The following TEAD1 variants were observed in gnomAD, a reference collection of about 807,000 sequenced individuals.
TEAD1 encodes the protein transcriptional enhancer factor TEF-1.
Under a neutral mutation model 54.9 loss-of-function variants are expected in TEAD1, and 9 were observed. The ratio of observed to expected loss-of-function variants is 0.16; its 90% CI spans 0.10 to 0.29. TEAD1 has a LOEUF of 0.29. Ranked by LOEUF, TEAD1 falls within the 10% of genes least tolerant of loss-of-function variation. The pLI, the probability that TEAD1 is intolerant of heterozygous loss-of-function variation, is 1.00. For synonymous variants in TEAD1, 200 were observed against 187.8 expected (o/e 1.07, Z -0.53); for missense variants, 387 against 535.9 (o/e 0.72, Z 2.74).
intron 2 of TEAD1, among the ~76,000 whole-genome samples, chr11:12,743,804 A>C (rs1469636162): frequency 6.6e-6 from 1 of 152,234 alleles, no homozygotes; most frequent in Admixed American, 6.5e-5. Flanking sequence ...CCAGAAGGGC[A>C]TTGGCACAGT....
chr11:12,795,264 C>G (rs928508999), intron 3 of TEAD1, among the ~76,000 whole-genome samples: 2 of 152,132 alleles, frequency 1.3e-5, no homozygotes, highest in Non-Finnish European at 2.9e-5. Context: ...GTTGTCGTTG[C>G]ATTATCTTCT....
rs76376085 is a variant in TEAD1 at position 12,690,945 on chromosome 11, A to G, written c.-55+15384A>G. ...TAGTTTTTTAGTTTTTTGTAGAGAC[A>G]GGGTTTCATCACTCAGGCTGGTCTG... is the stretch of plus-strand genomic sequence containing the variant. On this transcript the variant is annotated intron_variant, in intron 2 of 12. Transcript: ENST00000527636. Among the ~76,000 whole-genome samples the G allele has an allele frequency of 6.2e-3, 951 of 152,224 alleles. 9 individuals are homozygous for G. Among genetic ancestry groups the G allele is most frequent in the African/African-American group, 0.02 (850 of 41,550 alleles).
At chr11:12,879,129 C>G (rs1947914627) in intron 5 of TEAD1, among the ~76,000 whole-genome samples, 3 of 152,194 alleles carry the variant, frequency 2.0e-5, no homozygotes, top group Admixed American at 2.0e-4. Flanking sequence ...CAGCATGCTG[C>G]TTGGCCCTGT....
chr11:12,797,219 T>A (rs1945950639), intron 3 of TEAD1, among the ~76,000 whole-genome samples: 1 of 152,248 alleles, frequency 6.6e-6, no homozygotes, highest in Non-Finnish European at 1.5e-5. Context: ...CAACATAGAC[T>A]TGAAGAAGGA....
intron 3 of TEAD1, among the ~76,000 whole-genome samples, chr11:12,774,351 G>C (rs1564935123): frequency 6.6e-6 from 1 of 152,190 alleles, no homozygotes; most frequent in Non-Finnish European, 1.5e-5. Flanking sequence ...ACTTCACAGT[G>C]GTAAAGTGTG....
chr11:12,799,232 C>G (rs1397153200), intron 3 of TEAD1, among the ~76,000 whole-genome samples: 1 of 152,214 alleles, frequency 6.6e-6, no homozygotes, highest in Admixed American at 6.5e-5. Flanking sequence ...ATTTAAATTT[C>G]ATAACCACCC....
At chr11:12,852,511 G>T (rs772928731) in intron 3 of TEAD1, among the ~76,000 whole-genome samples, 2 of 150,190 alleles carry the variant, frequency 1.3e-5, no homozygotes, top group African/African-American at 2.5e-5. Flanking sequence ...GCAGCGGCGC[G>T]ATCTTGGCTC....
chr11:12,794,405 T>C (rs1945870285), intron 3 of TEAD1, among the ~76,000 whole-genome samples: 1 of 152,202 alleles, frequency 6.6e-6, no homozygotes, highest in Admixed American at 6.5e-5. Flanking sequence ...GAGAATAAAC[T>C]TTGTCTGTGT....
chr11:12,782,201 C>T (rs2133949729), intron 3 of TEAD1, among the ~76,000 whole-genome samples: 1 of 152,080 alleles, frequency 6.6e-6, no homozygotes, highest in East Asian at 1.9e-4. Context: ...GTGGAAACAA[C>T]CCAAATGTTT....
At chr11:12,683,964 C>CTA (rs1473103936) in intron 2 of TEAD1, among the ~76,000 whole-genome samples, 1 of 152,202 alleles carries the variant, frequency 6.6e-6, no homozygotes, top group East Asian at 1.9e-4. Context: ...GTTGTGCCCA[C>CTA]TATATACCAG....
At position 12,764,205 on chromosome 11, in the gene TEAD1, C is replaced by T; in HGVS notation, c.-28C>T. 6.2e-7 allele frequency: 1 copy of T among 1,609,642 alleles called. No individual in the cohort carries two copies. Among genetic ancestry groups the T allele is most frequent in the African/African-American group, 1.3e-5 (1 of 74,828 alleles). On this transcript the variant is annotated 5_prime_UTR_variant, in exon 3 of 13. Transcript: ENST00000527636. ...TTTATTTTCTTGAAAAGGCTCCAGG[C>T]TTCGGCTTGGAAAATCCCACCGCCA... is the stretch of plus-strand genomic sequence containing the variant.
At chr11:12,778,361 G>GGATACCGTTCATCCT (rs1945473002) in intron 3 of TEAD1, among the ~76,000 whole-genome samples, 1 of 151,934 alleles carries the variant, frequency 6.6e-6, no homozygotes, top group Non-Finnish European at 1.5e-5. Context: ...CTGGTGTCTG[G>GGATACCGTTCATCCT]GATACCGTTC....
rs114187930 is a variant in TEAD1, at chr11:12,820,811, T to C, written c.203-41439T>C. ...TATTGTCATGATTTTGTTGTGCCAT[T>C]GAGGTACATTAACTTAAATAAATCA... On this transcript the variant is annotated intron_variant, in intron 3 of 12. Transcript: ENST00000527636. Among the ~76,000 whole-genome samples the C allele has an allele frequency of 7.4e-3, 1,123 of 152,280 alleles. 14 individuals carry two copies. Among genetic ancestry groups the C allele is most frequent in the African/African-American group, 0.026 (1,068 of 41,554 alleles).
chr11:12,731,643 T>C (rs925563958), intron 2 of TEAD1, among the ~76,000 whole-genome samples: 4 of 152,234 alleles, frequency 2.6e-5, no homozygotes, highest in African/African-American at 9.6e-5. Flanking sequence ...TTGGCAGTTA[T>C]AAACCATGCT....
intron 3 of TEAD1, among the ~76,000 whole-genome samples, chr11:12,816,334 G>C (rs1468191470): frequency 6.6e-6 from 1 of 152,170 alleles, no homozygotes; most frequent in East Asian, 1.9e-4. Flanking sequence ...TTCTGAGAAC[G>C]GTTCTCTTGT....
rs1183377657 is a variant in TEAD1, at chr11:12,925,003, G to C, written c.965G>C (p.Cys322Ser). Reference sequence around the variant, plus strand: ...AGTTCTGAAAATATGACAGTCACCTGTTCCACCAAAGTTTGCTCCTTTGGG... The same window carrying C: ...AGTTCTGAAAATATGACAGTCACCTCTTCCACCAAAGTTTGCTCCTTTGGG... The change falls in exon 11 of 13, where the codon TGT becomes TCT. Residue 322 changes from cysteine (C) to serine (S), a missense_variant. By Grantham distance (112) the Cys-to-Ser change is moderately radical. Transcript: ENST00000527636. 6.2e-6 allele frequency: 10 copies of C among 1,614,212 alleles called. No individual in the cohort carries two copies. The highest frequency in any genetic ancestry group is 8.5e-6 in the Non-Finnish European group (10 of 1,180,040).
intron 9 of TEAD1, among the ~76,000 whole-genome samples, chr11:12,887,171 A>G (rs916456901): frequency 8.3e-5 from 12 of 144,268 alleles, no homozygotes; most frequent in Admixed American, 8.0e-4. Flanking sequence ...ATCTTGGCTC[A>G]CTGCAAGCTC....
chr11:12,825,224 TA>T (rs1413722559), intron 3 of TEAD1, among the ~76,000 whole-genome samples: 1 of 152,118 alleles, frequency 6.6e-6, no homozygotes, highest in Non-Finnish European at 1.5e-5. Flanking sequence ...TACTTATATT[TA>T]AAATTGTACT....
intron 2 of TEAD1, among the ~76,000 whole-genome samples, chr11:12,730,468 G>A (rs73422000): frequency 0.13 from 16,403 of 121,518 alleles, 3,592 homozygotes; most frequent in African/African-American, 0.47. Flanking sequence ...TTTGGCTCCA[G>A]TTTGGTGAGA....
Sources: allele counts gnomAD v4.1 joint callset (sites outside exome capture counted in the v4.1 genomes callset), GRCh38; gene constraint gnomAD v4.1.1; transcripts MANE v1.5; gene names NCBI Gene and HGNC (gene_info 2026-07-23, HGNC 2026-07-21).